P3H2: variants seen among roughly 807,000 people sequenced by gnomAD.
P3H2 encodes leprecan-like 1.
Under a neutral mutation model 87.0 loss-of-function variants are expected in P3H2, and 80 were observed. That is an observed-to-expected ratio of 0.92 (90% CI 0.77 to 1.11). The LOEUF is 1.11. P3H2 is among the 50% of genes least tolerant of loss of function. P3H2 has a pLI of 0.00. For missense variants in P3H2, 1,001 were observed against 923.9 expected, an observed-to-expected ratio of 1.08 and a Z score of -1.08; for synonymous variants, 367 against 359.3, an observed-to-expected ratio of 1.02 and a Z score of -0.24.
At chr3:189,994,885 G>GA (rs1186493705) in intron 2 of P3H2, among the ~76,000 whole-genome samples, 1 of 151,942 alleles carries the variant, frequency 6.6e-6, no homozygotes, top group African/African-American at 2.4e-5. Flanking sequence ...CTGGGAGCTG[G>GA]AAAATCACAG....
At chr3:190,016,728 T>C (rs570943580) in intron 1 of P3H2, among the ~76,000 whole-genome samples, 2 of 152,360 alleles carry the variant, frequency 1.3e-5, no homozygotes, top group South Asian at 4.1e-4. Context: ...AAGAGTCATC[T>C]GGCCAAACCC....
At chr3:189,982,669 A>G (rs1723573381) in intron 8 of P3H2, among the ~76,000 whole-genome samples, 1 of 152,138 alleles carries the variant, frequency 6.6e-6, no homozygotes, top group Non-Finnish European at 1.5e-5. Flanking sequence ...CTCCTCTCCA[A>G]GTTCCTCTGA....
intron 13 of P3H2, 47 bp downstream of exon 13, chr3:189,970,769 C>T (rs376230140): frequency 8.8e-7 from 1 of 1,133,036 alleles, no homozygotes; most frequent in African/African-American, 1.5e-5. Flanking sequence ...AATGGCAATA[C>T]TGAGCTAAAA....
chr3:190,120,450 G>A lies in P3H2; in HGVS notation c.282C>T (p.Leu94=). 1 of 1,427,910 alleles carries A rather than the reference G, an allele frequency of 7.0e-7. No homozygotes were observed. The highest frequency in any genetic ancestry group is 9.1e-7 in the Non-Finnish European group (1 of 1,101,782). The allele number at this position is 1,427,910 out of a possible 1,614,324, so 88.5% of individuals were successfully genotyped here. A position where few individuals can be genotyped will look rare whatever the true frequency, so the allele number is the denominator to read the frequency against. Residue 94 remains leucine, a synonymous_variant, in exon 1 of 15, where the codon CTC becomes CTT. Coordinates refer to ENST00000319332, the MANE Select transcript of P3H2 (RefSeq NM_018192.4). ...CARHCAARHP[L]PPPPPGEGPG... Reference sequence around the variant, plus strand: ...GGCCCTCGCCGGGGGGCGGGGGCGGGAGCGGGTGGCGCGCCGCGCAGTGGC... The same window carrying A: ...GGCCCTCGCCGGGGGGCGGGGGCGGAAGCGGGTGGCGCGCCGCGCAGTGGC...
chr3:189,971,790 A>G, intron 12 of P3H2, 100 bp downstream of exon 12: 1 of 781,004 alleles, frequency 1.3e-6, no homozygotes, highest in Admixed American at 1.8e-5. Context: ...TGCCTTGGAG[A>G]TATGAACACG....
Position 189,996,300 on chromosome 3 carries a change from CA to C in P3H2, c.481-859del, listed in dbSNP as rs1425545921. The stretch of plus-strand genomic sequence containing the variant: ...GCCATAAAAAATAATGAAATCCCAT[CA>C]TTTGCAACAACATGGATGAATCTGG... On this transcript the variant is annotated intron_variant, in intron 1 of 14. Transcript: ENST00000319332. Among the ~76,000 whole-genome samples, 239 of 152,302 alleles carry C rather than the reference CA, an allele frequency of 1.6e-3. 1 individual carries two copies. Among genetic ancestry groups the C allele is most frequent in the African/African-American group, 5.5e-3 (230 of 41,574 alleles).
intron 1 of P3H2, among the ~76,000 whole-genome samples, chr3:190,078,726 T>A (rs1335090173): frequency 6.6e-6 from 1 of 152,260 alleles, no homozygotes; most frequent in Non-Finnish European, 1.5e-5. Flanking sequence ...CTCAGTTCCC[T>A]GAGCTCTAAC....
intron 1 of P3H2, among the ~76,000 whole-genome samples, chr3:190,058,502 G>T (rs904968913): frequency 4.6e-5 from 7 of 152,174 alleles, no homozygotes; most frequent in African/African-American, 1.7e-4. Flanking sequence ...GGAGTAAATG[G>T]TCCCAGGAAT....
chr3:190,040,187 A>C (rs1725565029), intron 1 of P3H2, among the ~76,000 whole-genome samples: 1 of 152,234 alleles, frequency 6.6e-6, no homozygotes, highest in Admixed American at 6.5e-5. Flanking sequence ...GGCGACCATC[A>C]GTTACAGAAC....
intron 1 of P3H2, among the ~76,000 whole-genome samples, chr3:190,044,381 T>G (rs1725735129): frequency 6.6e-6 from 1 of 152,182 alleles, no homozygotes; most frequent in South Asian, 2.1e-4. Flanking sequence ...ATACAGAAAC[T>G]TTTAGCCAAG....
At chr3:190,052,639 C>T (rs1047777446) in intron 1 of P3H2, among the ~76,000 whole-genome samples, 1 of 151,178 alleles carries the variant, frequency 6.6e-6, no homozygotes, top group South Asian at 2.1e-4. Context: ...GAACATATTG[C>T]TGTGTGTTTA....
At chr3:189,976,034 G>A (rs1723337880) in intron 8 of P3H2, among the ~76,000 whole-genome samples, 1 of 151,730 alleles carries the variant, frequency 6.6e-6, no homozygotes, top group South Asian at 2.1e-4. Context: ...ACCATAAAAT[G>A]AACTAAATTC....
At chr3:189,984,286 G>A (rs891655783) in intron 7 of P3H2, among the ~76,000 whole-genome samples, 5 of 151,308 alleles carry the variant, frequency 3.3e-5, no homozygotes, top group African/African-American at 9.7e-5. Context: ...ATCATGGAAC[G>A]TTAGCAGATA....
At chr3:189,960,831 T>A (rs1305408327) in intron 14 of P3H2, among the ~76,000 whole-genome samples, 1 of 152,158 alleles carries the variant, frequency 6.6e-6, no homozygotes, top group Non-Finnish European at 1.5e-5. Flanking sequence ...ATAAAAAATG[T>A]TTACAAAAAG....
chr3:190,022,063 A>G (rs1228705445), intron 1 of P3H2, among the ~76,000 whole-genome samples: 1 of 135,480 alleles, frequency 7.4e-6, no homozygotes, highest in African/African-American at 2.6e-5. Context: ...ATGTACAATG[A>G]CATTAGCCTC....
chr3:189,973,848 A>G (rs770069643), intron 10 of P3H2, 61 bp downstream of exon 10: 59 of 1,296,310 alleles, frequency 4.6e-5, no homozygotes, highest in Non-Finnish European at 6.4e-5. Context: ...TATATCTGCC[A>G]TTTACAGAAG....
At chr3:190,008,664 C>G (rs1343851124) in intron 1 of P3H2, among the ~76,000 whole-genome samples, 5 of 152,150 alleles carry the variant, frequency 3.3e-5, no homozygotes, top group African/African-American at 7.2e-5. Context: ...TGCCACTATG[C>G]ACTTCCACAT....
intron 1 of P3H2, among the ~76,000 whole-genome samples, chr3:190,007,356 G>A (rs1724419319): frequency 6.6e-6 from 1 of 152,176 alleles, no homozygotes; most frequent in Admixed American, 6.5e-5. Flanking sequence ...GGTGGTAATA[G>A]CAATGGAAAT....
rs1712532668 is a variant in P3H2 at position 190,120,623 on chromosome 3, C to G, written c.109G>C (p.Glu37Gln). ...PDSPRRELEL[E>Q]PGPLQPFDLL... ...TCGAAGGGCTGCAGAGGCCCGGGCT[C>G]CAGCTCCAGCTCCCGGCGTGGGCTG... Residue 37 changes from glutamate to glutamine, a missense_variant, in exon 1 of 15, where the codon GAG (glutamate) becomes CAG (glutamine). By Grantham distance (29) the Glu-to-Gln change is conservative (BLOSUM62 2). Transcript: ENST00000319332. 2 of 1,532,566 alleles carry G rather than the reference C, an allele frequency of 1.3e-6. No homozygotes were observed. Among genetic ancestry groups the G allele is most frequent in the African/African-American group, 2.8e-5 (2 of 71,048 alleles). 94.9% of individuals were successfully genotyped at this position (1,532,566 alleles called of 1,614,324 possible).
Sources: gnomAD v4.1 joint callset for allele counts (sites outside exome capture counted in the v4.1 genomes callset) on GRCh38, gnomAD v4.1.1 for gene constraint, MANE v1.5 for transcripts, NCBI Gene and HGNC (gene_info 2026-07-23, HGNC 2026-07-21) for gene names.